AXDND1: variants seen among roughly 807,000 people sequenced by gnomAD.
AXDND1 encodes axonemal dynein light chain domain-containing protein 1.
In AXDND1, 110 loss-of-function variants were observed where a neutral mutation model predicts 137.5. The observed-to-expected ratio is 0.80, with a 90% CI of 0.69 to 0.94. AXDND1 has a LOEUF of 0.94. Among genes scored for constraint, AXDND1 ranks in the 40% least tolerant of loss-of-function variants. The probability of loss-of-function intolerance (pLI) is 0.00; values close to 1 mark genes in which losing one functional copy is unlikely to be tolerated. For synonymous variants in AXDND1, 414 were observed against 399.7 expected (o/e 1.04, Z -0.43); for missense variants, 1,191 against 1,169.8 (o/e 1.02, Z -0.26).
At chr1:179,553,948 T>C (rs1673693968) in intron 25 of AXDND1, among the ~76,000 whole-genome samples, 1 of 148,546 alleles carries the variant, frequency 6.7e-6, no homozygotes, top group Admixed American at 6.8e-5. Flanking sequence ...AGTCTCGCTC[T>C]GTGGTCGTGG....
intron 3 of AXDND1, 37 bp from the exon 4 acceptor site, chr1:179,369,938 C>G (rs772431046): frequency 6.7e-7 from 1 of 1,486,140 alleles, no homozygotes; most frequent in Non-Finnish European, 9.4e-7. Context: ...TTAGATCGCC[C>G]TCTGCTGGAT....
chr1:179,488,298 A>G (rs1666315556), intron 18 of AXDND1, among the ~76,000 whole-genome samples: 1 of 148,742 alleles, frequency 6.7e-6, no homozygotes, highest in Non-Finnish European at 1.5e-5. Context: ...AACTCACACC[A>G]AGATGGAAAT....
chr1:179,456,376 A>G, intron 16 of AXDND1: 1 of 783,658 alleles, frequency 1.3e-6, no homozygotes, highest in Non-Finnish European at 2.3e-6. Flanking sequence ...AAATTTGAAG[A>G]CTGATTGTTG....
intron 21 of AXDND1, among the ~76,000 whole-genome samples, chr1:179,522,686 A>G (rs967403837): frequency 1.3e-5 from 2 of 151,816 alleles, no homozygotes; most frequent in Admixed American, 1.3e-4. Context: ...AGATGCAAAA[A>G]GCAGTCTAGC....
At position 179,552,590 on chromosome 1, in the gene AXDND1, A is replaced by T. The variant is rs753302985; in HGVS notation, c.3032-1922A>T. On this transcript the variant is annotated intron_variant, in intron 25 of 25. Transcript: ENST00000367618. The stretch of plus-strand genomic sequence containing the variant: ...CCTAAAGGGCAGTCTGGGTGGGAGG[A>T]TGGAGTGCTCACCCGCACTTTGGCT... The T allele has an allele frequency of 6.2e-7, 1 of 1,609,728 alleles. No individual in the cohort carries two copies. Among genetic ancestry groups the T allele is most frequent in the Non-Finnish European group, 8.5e-7 (1 of 1,176,516 alleles).
chr1:179,386,676 T>C (rs1479287617), intron 9 of AXDND1, among the ~76,000 whole-genome samples: 1 of 152,108 alleles, frequency 6.6e-6, no homozygotes, highest in Non-Finnish European at 1.5e-5. Flanking sequence ...TCATTAATCT[T>C]TTTTTCCCAT....
In AXDND1 at chr1:179,488,908, T is replaced by C. The variant is rs1165449977; in HGVS notation, c.2092-2630T>C. 2.1e-5 allele frequency among the ~76,000 whole-genome samples: 3 copies of C among 145,746 alleles called. 1 individual carries two copies. Among genetic ancestry groups the C allele is most frequent in the African/African-American group, 5.3e-5 (2 of 37,476 alleles). Reference sequence around the variant, plus strand: ...TGCCACCACACCAGGCCAATTTTTGTATTTTTAGTAGAGACCAGGTTTCAC... The same window carrying C: ...TGCCACCACACCAGGCCAATTTTTGCATTTTTAGTAGAGACCAGGTTTCAC... On this transcript the variant is annotated intron_variant, in intron 18 of 25. Coordinates refer to ENST00000367618, the MANE Select transcript of AXDND1 (RefSeq NM_144696.6).
intron 10 of AXDND1, among the ~76,000 whole-genome samples, chr1:179,394,324 C>T (rs1170137074): frequency 1.3e-5 from 2 of 152,186 alleles, no homozygotes; most frequent in African/African-American, 4.8e-5. Context: ...CATGGTGGCT[C>T]ACACCTGTAA....
chr1:179,447,619 C>T, intron 16 of AXDND1: 4 of 1,235,622 alleles, frequency 3.2e-6, no homozygotes, highest in Non-Finnish European at 4.6e-6. Context: ...CATGCCCTTG[C>T]TTGAAGCGGG....
chr1:179,531,201 G>A (rs1479910554), intron 23 of AXDND1, among the ~76,000 whole-genome samples: 1 of 152,030 alleles, frequency 6.6e-6, no homozygotes, highest in Non-Finnish European at 1.5e-5. Context: ...TGAGTTATGA[G>A]TCAGAGTGGC....
At chr1:179,526,601 A>G (rs189065574) in intron 22 of AXDND1, among the ~76,000 whole-genome samples, 115 of 152,324 alleles carry the variant, frequency 7.5e-4, no homozygotes, top group African/African-American at 2.4e-3. Context: ...TCTTCTCTGT[A>G]TATAGTTTAA....
Position 179,525,467 on chromosome 1 carries a change from G to T in AXDND1, c.2610+20G>T. ...GAAGAAGTAAGATTATTTGGTATTT[G>T]TTTTTCCTCCTACATACATACATAC... On this transcript the variant is annotated intron_variant, in intron 22 of 25. Coordinates refer to ENST00000367618, the MANE Select transcript of AXDND1 (RefSeq NM_144696.6). 1 of 1,577,338 alleles carries T rather than the reference G, an allele frequency of 6.3e-7. No homozygotes were observed. The highest frequency in any genetic ancestry group is 1.8e-5 in the Admixed American group (1 of 56,560).
At chr1:179,513,381 TG>T (rs1455802408) in intron 21 of AXDND1, among the ~76,000 whole-genome samples, 1 of 152,224 alleles carries the variant, frequency 6.6e-6, no homozygotes, top group African/African-American at 2.4e-5. Context: ...GACTTGTGTA[TG>T]TTAAACCATC....
chr1:179,548,748 A>G (rs1419774821), intron 25 of AXDND1: 1 of 152,314 alleles, frequency 6.6e-6, no homozygotes, highest in African/African-American at 2.4e-5. Flanking sequence ...TGACCTGCTG[A>G]GCCTTCTAGA....
intron 16 of AXDND1, chr1:179,457,295 C>T: frequency 1.5e-6 from 1 of 652,212 alleles, no homozygotes; most frequent in South Asian, 1.8e-5. Context: ...AGAGCTTCCT[C>T]AACTGTTTGG....
chr1:179,544,673 C>CAAAAAAAAAAAAAAAAAA (rs35843095), intron 25 of AXDND1: 6 of 111,108 alleles, frequency 5.4e-5, no homozygotes, highest in East Asian at 2.5e-4. Context: ...GACTCCATCT[C>CAAAAAAAAAAAAAAAAAA]AAAAAAAAAA....
At chr1:179,498,007 G>C (rs1473494157) in intron 20 of AXDND1, among the ~76,000 whole-genome samples, 1 of 152,124 alleles carries the variant, frequency 6.6e-6, no homozygotes, top group Non-Finnish European at 1.5e-5. Context: ...AGAAATCAGA[G>C]ATGACACAAA....
rs1454147567 is a variant in AXDND1, at chr1:179,393,965, TG to T, written c.928del (p.Val310Ter). On this transcript the variant is annotated frameshift_variant, in exon 10 of 26. Transcript: ENST00000367618. LOFTEE classifies it high-confidence loss of function. Reference protein sequence around the residue: ...ARQMIDFYKDLVTQRVMDQRI... With the variant: ...ARQMIDFYKDXVTQRVMDQRI... ...CAGATGATTGATTTCTACAAAGACTTGGTAACTCAGCGAGTGATGGACCAGC... is the reference window on the plus strand; with the variant it reads ...CAGATGATTGATTTCTACAAAGACTTGTAACTCAGCGAGTGATGGACCAGC... 2 of 1,612,092 alleles carry T rather than the reference TG, an allele frequency of 1.2e-6. No homozygotes were observed. The highest frequency in any genetic ancestry group is 2.7e-5 in the African/African-American group (2 of 74,762).
intron 16 of AXDND1, among the ~76,000 whole-genome samples, chr1:179,466,103 ACACT>A (rs1049707071): frequency 6.6e-6 from 1 of 151,910 alleles, no homozygotes; most frequent in Non-Finnish European, 1.5e-5. Context: ...GCTTCAGCTC[ACACT>A]CCATGGGCTG....
Sources: allele counts gnomAD v4.1 joint callset (sites outside exome capture counted in the v4.1 genomes callset), GRCh38; gene constraint gnomAD v4.1.1; transcripts MANE v1.5; gene names NCBI Gene and HGNC (gene_info 2026-07-23, HGNC 2026-07-21).